Variants in CTNNA2 observed in about 807,000 individuals in gnomAD.
The protein encoded by CTNNA2 is catenin alpha 2, also known as catenin alpha-2.
A neutral mutation model predicts 101.0 loss-of-function variants in CTNNA2; 42 were observed. That is an observed-to-expected ratio of 0.42 (90% CI 0.32 to 0.54). The LOEUF (loss-of-function observed/expected upper bound fraction) is 0.54. Among genes scored for constraint, CTNNA2 ranks in the 20% least tolerant of loss-of-function variants. CTNNA2 has a pLI of 0.14. For missense variants in CTNNA2, 871 were observed against 1,223.1 expected, an observed-to-expected ratio of 0.71 and a Z score of 4.29; for synonymous variants, 450 against 456.4, an observed-to-expected ratio of 0.99 and a Z score of 0.18.
intron 7 of CTNNA2, among the ~76,000 whole-genome samples, chr2:80,101,295 C>G (rs751660611): frequency 2.0e-5 from 3 of 152,170 alleles, no homozygotes; most frequent in Non-Finnish European, 4.4e-5. Context: ...TGCCAGATGA[C>G]AGGCCCACAC....
chr2:79,526,029 C>A (rs1558699236), intron 1 of CTNNA2, among the ~76,000 whole-genome samples: 1 of 151,930 alleles, frequency 6.6e-6, no homozygotes, highest in Non-Finnish European at 1.5e-5. Context: ...CTTCTTAAAT[C>A]CAGGTGTATA....
chr2:79,325,936 GAC>G (rs1465678790), intron 3 of CTNNA2, among the ~76,000 whole-genome samples: 8 of 152,292 alleles, frequency 5.3e-5, no homozygotes, highest in African/African-American at 1.7e-4. Flanking sequence ...TGTTTAGAGA[GAC>G]CAGTACCTAA....
intron 7 of CTNNA2, among the ~76,000 whole-genome samples, chr2:80,078,372 T>G (rs1408776131): frequency 6.6e-6 from 1 of 152,028 alleles, no homozygotes; most frequent in Non-Finnish European, 1.5e-5. Flanking sequence ...AAGTTTGATT[T>G]GAGTACTAGA....
chr2:80,332,249 C>T (rs1671402197), intron 7 of CTNNA2, among the ~76,000 whole-genome samples: 1 of 152,210 alleles, frequency 6.6e-6, no homozygotes, highest in Non-Finnish European at 1.5e-5. Flanking sequence ...TACTGTTGAA[C>T]AGGCATTACT....
chr2:79,387,156 T>C (rs545152132), intron 4 of CTNNA2, among the ~76,000 whole-genome samples: 13 of 152,290 alleles, frequency 8.5e-5, no homozygotes, highest in African/African-American at 2.9e-4. Flanking sequence ...ATTGGAGTTT[T>C]CTTTAGATTC....
At chr2:79,739,768 C>G (rs981264156) in intron 2 of CTNNA2, among the ~76,000 whole-genome samples, 6 of 152,210 alleles carry the variant, frequency 3.9e-5, no homozygotes, top group Non-Finnish European at 8.8e-5. Context: ...AATTGGGCCA[C>G]CTTGTGGCTC....
At chr2:80,406,532 G>A (rs1679076728) in intron 8 of CTNNA2, among the ~76,000 whole-genome samples, 1 of 151,096 alleles carries the variant, frequency 6.6e-6, no homozygotes, top group Non-Finnish European at 1.5e-5. Context: ...AAATTAACTA[G>A]TTGAAAGGGG....
intron 3 of CTNNA2, among the ~76,000 whole-genome samples, chr2:79,805,811 A>G (rs1000852669): frequency 1.3e-5 from 2 of 151,878 alleles, no homozygotes; most frequent in Non-Finnish European, 2.9e-5. Context: ...GGTGGCGGGC[A>G]CCTGTAGTCC....
chr2:80,371,659 T>C (rs758658672), intron 7 of CTNNA2, among the ~76,000 whole-genome samples: 6 of 151,826 alleles, frequency 4.0e-5, no homozygotes, highest in Non-Finnish European at 7.4e-5. Context: ...CAGTGGTCAA[T>C]GTTATTGAAT....
chr2:79,891,466 A>G (rs954171955), intron 6 of CTNNA2, among the ~76,000 whole-genome samples: 3 of 152,196 alleles, frequency 2.0e-5, no homozygotes, highest in Non-Finnish European at 4.4e-5. Flanking sequence ...ACCAAATACA[A>G]GTTTTCCATG....
intron 3 of CTNNA2, among the ~76,000 whole-genome samples, chr2:79,329,562 G>A (rs1676823626): frequency 6.6e-6 from 1 of 152,122 alleles, no homozygotes; most frequent in Non-Finnish European, 1.5e-5. Context: ...CTGGTGTGCA[G>A]TGGGCCCTGA....
intron 7 of CTNNA2, among the ~76,000 whole-genome samples, chr2:80,171,037 G>A (rs77300089): frequency 0.018 from 2,715 of 152,290 alleles, 84 homozygotes; most frequent in African/African-American, 0.062. Flanking sequence ...AGACCTGGCT[G>A]TGTAAATACT....
At position 79,929,426 on chromosome 2, in the gene CTNNA2, A is replaced by C. The variant is rs144977270; in HGVS notation, c.1056+19629A>C. 2.0e-5 allele frequency among the ~76,000 whole-genome samples: 3 copies of C among 152,326 alleles called. No homozygotes were observed. The East Asian group carries it at 5.8e-4, about 29-fold the overall frequency. On this transcript the variant is annotated intron_variant, in intron 7 of 18. Coordinates refer to ENST00000402739, the MANE Select transcript of CTNNA2 (RefSeq NM_001282597.3). Reference sequence around the variant, plus strand: ...TGACCACAGGGAAATATTTAGGCTCAATAGAAAGCAAAAACTTTAGAATAG... The same window carrying C: ...TGACCACAGGGAAATATTTAGGCTCCATAGAAAGCAAAAACTTTAGAATAG...
At chr2:79,763,425 C>T (rs1390718668) in intron 3 of CTNNA2, among the ~76,000 whole-genome samples, 1 of 152,108 alleles carries the variant, frequency 6.6e-6, no homozygotes, top group Non-Finnish European at 1.5e-5. Flanking sequence ...CTTCTCCATC[C>T]AGAAAATAAC....
chr2:80,275,341 G>A lies in CTNNA2; in HGVS notation c.1057-117870G>A, dbSNP rs569366417. 3.3e-5 allele frequency among the ~76,000 whole-genome samples: 5 copies of A among 152,230 alleles called. No individual in the cohort carries two copies. In the South Asian group the frequency reaches 1.0e-3, roughly 32 times the overall value. On this transcript the variant is annotated intron_variant, in intron 7 of 18. Transcript: ENST00000402739. ...ACATGTTGTCAGGCTTTGAGAAAAAGCATTCTTCATTTTAATTCTTTGCAT... is the reference window on the plus strand; with the variant it reads ...ACATGTTGTCAGGCTTTGAGAAAAAACATTCTTCATTTTAATTCTTTGCAT...
At chr2:80,005,095 G>T (rs1049975203) in intron 7 of CTNNA2, among the ~76,000 whole-genome samples, 10 of 152,274 alleles carry the variant, frequency 6.6e-5, no homozygotes, top group East Asian at 5.8e-4. Context: ...TTGGGAGGCT[G>T]GAATGGTACT....
chr2:80,305,312 T>C, intron 7 of CTNNA2: 3 of 985,350 alleles, frequency 3.0e-6, no homozygotes, highest in Non-Finnish European at 3.6e-6. Flanking sequence ...TGAGATCCAG[T>C]GTGGCAAAAA....
chr2:79,740,640 A>G (rs1671226614), intron 2 of CTNNA2, among the ~76,000 whole-genome samples: 1 of 152,190 alleles, frequency 6.6e-6, no homozygotes, highest in South Asian at 2.1e-4. Context: ...AACCAATAGG[A>G]CACAAAAAAT....
intron 3 of CTNNA2, among the ~76,000 whole-genome samples, chr2:79,353,311 T>C (rs181683395): frequency 6.6e-6 from 1 of 152,350 alleles, no homozygotes; most frequent in African/African-American, 2.4e-5. Context: ...AGATATCTTC[T>C]TGACATTGAG....
Sources: gnomAD v4.1 joint callset for allele counts (sites outside exome capture counted in the v4.1 genomes callset) on GRCh38, gnomAD v4.1.1 for gene constraint, MANE v1.5 for transcripts, NCBI Gene and HGNC (gene_info 2026-07-23, HGNC 2026-07-21) for gene names.